The following CNBD1 variants were observed in gnomAD, a reference collection of about 807,000 sequenced individuals.
CNBD1 encodes cyclic nucleotide-binding domain-containing protein 1.
Under a neutral mutation model 54.4 loss-of-function variants are expected in CNBD1, and 71 were observed. That is an observed-to-expected ratio of 1.30 (90% confidence interval 1.08 to 1.59). The LOEUF (loss-of-function observed/expected upper bound fraction) is 1.59, where lower values mean the gene tolerates loss of function less well. Among genes scored for constraint, CNBD1 ranks in the 40% most tolerant of loss-of-function variants. The pLI is 0.00. For synonymous variants in CNBD1, 182 were observed against 170.7 expected, an observed-to-expected ratio of 1.07 and a Z score of -0.51; for missense variants, 659 against 518.0, an observed-to-expected ratio of 1.27 and a Z score of -2.64.
intron 8 of CNBD1, among the ~76,000 whole-genome samples, chr8:87,307,964 G>A (rs1809192394): frequency 6.6e-6 from 1 of 152,026 alleles, no homozygotes; most frequent in Admixed American, 6.6e-5. Flanking sequence ...AATCTCACTA[G>A]GATTGTATTT....
At chr8:86,928,697 G>A (rs902713068) in intron 3 of CNBD1, among the ~76,000 whole-genome samples, 19 of 152,176 alleles carry the variant, frequency 1.2e-4, no homozygotes, top group Admixed American at 2.0e-4. Flanking sequence ...AGTTGTCTCC[G>A]GGATAGTGCC....
At chr8:87,361,463 T>C (rs1810522587) in intron 10 of CNBD1, among the ~76,000 whole-genome samples, 1 of 151,778 alleles carries the variant, frequency 6.6e-6, no homozygotes, top group African/African-American at 2.4e-5. Context: ...GTGAAGATGA[T>C]ATAGCTTACC....
intron 4 of CNBD1, among the ~76,000 whole-genome samples, chr8:87,096,003 T>C (rs570050455): frequency 6.6e-4 from 101 of 152,286 alleles, no homozygotes; most frequent in African/African-American, 2.4e-3. Flanking sequence ...CTTAACTGAA[T>C]GTAACCTCAG....
chr8:86,940,685 A>G (rs914958170), intron 4 of CNBD1, among the ~76,000 whole-genome samples: 1 of 152,044 alleles, frequency 6.6e-6, no homozygotes, highest in Non-Finnish European at 1.5e-5. Flanking sequence ...AGCTGAAAAA[A>G]TAGGAAATTC....
At position 87,358,394 on chromosome 8, in the gene CNBD1, A is replaced by C. The variant is rs544103391; in HGVS notation, c.1303+4608A>C. On this transcript the variant is annotated intron_variant, in intron 10 of 10. Transcript: ENST00000518476. ...AGGTAAACATTGCTTAAAAATAATT[A>C]CTAACCACCAATTAAAATGACAATA... 2.0e-5 allele frequency among the ~76,000 whole-genome samples: 3 copies of C among 152,260 alleles called. No individual in the cohort carries two copies. In the East Asian group the frequency reaches 5.8e-4, roughly 29 times the overall value.
intron 4 of CNBD1, among the ~76,000 whole-genome samples, chr8:87,042,281 C>G (rs920897667): frequency 3.3e-5 from 5 of 152,144 alleles, no homozygotes; most frequent in African/African-American, 1.2e-4. Context: ...GGAATATAAG[C>G]ATCTGGAGCT....
chr8:87,081,608 C>G (rs960826315), intron 4 of CNBD1, among the ~76,000 whole-genome samples: 1 of 151,190 alleles, frequency 6.6e-6, no homozygotes, highest in Non-Finnish European at 1.5e-5. Context: ...CTGGTTCAAG[C>G]GATTCTCCTG....
At chr8:87,338,217 CATTGCCATA>C (rs1809988014) in intron 8 of CNBD1, among the ~76,000 whole-genome samples, 1 of 152,120 alleles carries the variant, frequency 6.6e-6, no homozygotes, top group African/African-American at 2.4e-5. Context: ...TCCTTTATAT[CATTGCCATA>C]ATGAATTTTG....
intron 4 of CNBD1, among the ~76,000 whole-genome samples, chr8:86,945,539 T>C (rs1453567781): frequency 6.6e-6 from 1 of 152,168 alleles, no homozygotes; most frequent in Non-Finnish European, 1.5e-5. Flanking sequence ...AAGGGCTGCA[T>C]GCTGATCAAA....
chr8:86,891,879 T>C (rs1808773689), intron 2 of CNBD1, among the ~76,000 whole-genome samples: 1 of 152,072 alleles, frequency 6.6e-6, no homozygotes, highest in African/African-American at 2.4e-5. Context: ...GGTTTGTATA[T>C]AGAAGCATGA....
At chr8:87,236,052 G>A (rs1807578244) in intron 5 of CNBD1, among the ~76,000 whole-genome samples, 1 of 151,866 alleles carries the variant, frequency 6.6e-6, no homozygotes, top group African/African-American at 2.4e-5. Flanking sequence ...ATGACTTTTA[G>A]GACATTAAAA....
chr8:86,901,470 A>G (rs1191135667), intron 2 of CNBD1, among the ~76,000 whole-genome samples: 1 of 152,218 alleles, frequency 6.6e-6, no homozygotes, highest in Non-Finnish European at 1.5e-5. Flanking sequence ...TTAAAAGCTT[A>G]TTATGTTTTC....
intron 4 of CNBD1, among the ~76,000 whole-genome samples, chr8:87,017,712 C>G (rs1809393508): frequency 6.6e-6 from 1 of 152,116 alleles, no homozygotes; most frequent in South Asian, 2.1e-4. Context: ...AGCTGCTGCT[C>G]TGGTTAAAGA....
At chr8:86,987,711 T>C (rs897049413) in intron 4 of CNBD1, among the ~76,000 whole-genome samples, 1 of 152,174 alleles carries the variant, frequency 6.6e-6, no homozygotes, top group African/African-American at 2.4e-5. Context: ...TGTATCATAA[T>C]GGAGAATTGG....
chr8:87,141,286 A>G (rs1280465668), intron 4 of CNBD1, among the ~76,000 whole-genome samples: 3 of 152,160 alleles, frequency 2.0e-5, no homozygotes, highest in African/African-American at 7.2e-5. Context: ...GTAGAAATCA[A>G]TGCTGTTGTT....
chr8:87,043,590 C>T (rs751353191), intron 4 of CNBD1, among the ~76,000 whole-genome samples: 12 of 152,162 alleles, frequency 7.9e-5, no homozygotes, highest in African/African-American at 2.2e-4. Flanking sequence ...AACTCTGGTT[C>T]CCTCAGCTGC....
rs139931856 is a variant in CNBD1, at chr8:87,256,995, A to G, written c.771+19883A>G. Among the ~76,000 whole-genome samples the G allele has an allele frequency of 8.4e-3, 1,277 of 152,150 alleles. 16 individuals carry two copies. Among genetic ancestry groups the G allele is most frequent in the African/African-American group, 0.029 (1,217 of 41,494 alleles). On this transcript the variant is annotated intron_variant, in intron 6 of 10. Coordinates refer to ENST00000518476, the MANE Select transcript of CNBD1 (RefSeq NM_173538.3). Reference sequence around the variant, plus strand: ...AGCTTTCTTTACCTGGTGAAAATATACTGTAACATAATAATCTACTGTTAT... The same window carrying G: ...AGCTTTCTTTACCTGGTGAAAATATGCTGTAACATAATAATCTACTGTTAT...
chr8:87,384,905 G>A (rs1424170066), downstream of CNBD1, among the ~76,000 whole-genome samples: 2 of 152,170 alleles, frequency 1.3e-5, no homozygotes, highest in Non-Finnish European at 2.9e-5. Context: ...CATTGTAAAA[G>A]ATGGAATCAG....
intron 4 of CNBD1, among the ~76,000 whole-genome samples, chr8:87,099,892 T>C (rs1195257912): frequency 6.6e-6 from 1 of 152,174 alleles, no homozygotes; most frequent in Admixed American, 6.5e-5. Flanking sequence ...TTAGATGGCA[T>C]TGCCAAGGAT....
Sources: allele counts gnomAD v4.1 joint callset (sites outside exome capture counted in the v4.1 genomes callset), GRCh38; gene constraint gnomAD v4.1.1; transcripts MANE v1.5; gene names NCBI Gene and HGNC (gene_info 2026-07-23, HGNC 2026-07-21).